The following ARFGEF2 variants were observed in gnomAD, a reference collection of about 807,000 sequenced individuals.
ARFGEF2 encodes ARF guanine nucleotide exchange factor 2, also known as brefeldin A-inhibited guanine nucleotide-exchange protein 2.
Under a neutral mutation model 219.9 loss-of-function variants are expected in ARFGEF2, and 74 were observed. The observed-to-expected ratio is 0.34, with a 90% CI of 0.28 to 0.41. ARFGEF2 has a LOEUF of 0.41. Ranked by LOEUF, ARFGEF2 falls within the 10% of genes least tolerant of loss-of-function variation. The pLI is 1.00. For synonymous variants in ARFGEF2, 733 were observed against 799.2 expected (o/e 0.92, Z 1.40); for missense variants, 1,743 against 2,218.3 (o/e 0.79, Z 4.30).
chr20:48,936,749 A>G (rs536832074), intron 1 of ARFGEF2, among the ~76,000 whole-genome samples: 1 of 150,122 alleles, frequency 6.7e-6, no homozygotes, highest in East Asian at 1.9e-4. Flanking sequence ...CTGGTTTTGA[A>G]CTCCCTACCT....
chr20:48,938,035 G>C (rs1200698370), intron 1 of ARFGEF2, among the ~76,000 whole-genome samples: 1 of 152,200 alleles, frequency 6.6e-6, no homozygotes, highest in Non-Finnish European at 1.5e-5. Flanking sequence ...CCATATGCTT[G>C]TTCGAGAGTC....
intron 11 of ARFGEF2, 144 bp downstream of exon 11, chr20:48,972,569 C>T: frequency 1.3e-6 from 1 of 741,444 alleles, no homozygotes; most frequent in Non-Finnish European, 2.3e-6. Flanking sequence ...TGCCCCACCT[C>T]TCCTTTTTTA....
In ARFGEF2 at chr20:49,027,250, G is replaced by A. The variant is rs73611321; in HGVS notation, c.4925-1280G>A. On this transcript the variant is annotated intron_variant, in intron 36 of 38. Coordinates refer to ENST00000371917, the MANE Select transcript of ARFGEF2 (RefSeq NM_006420.3). ...ACAGGCACGCACCACCACGCCAGTG[G>A]TCTCACTCTCTTGACCTCATGATCC... 3.2e-3 allele frequency among the ~76,000 whole-genome samples: 484 copies of A among 151,894 alleles called. 9 individuals carry two copies. Among genetic ancestry groups the A allele is most frequent in the Admixed American group, 0.021 (318 of 15,256 alleles).
chr20:48,990,876 G>T (rs1232750135), intron 20 of ARFGEF2, among the ~76,000 whole-genome samples, 164 bp from the exon 21 acceptor site: 1 of 152,198 alleles, frequency 6.6e-6, no homozygotes, highest in Non-Finnish European at 1.5e-5. Context: ...TGTTCCAAAA[G>T]CAAGAGGGCA....
At chr20:49,032,027 T>C (rs1217091009) in intron 37 of ARFGEF2, 22 bp from the exon 38 acceptor site, 1 of 1,490,842 alleles carries the variant, frequency 6.7e-7, no homozygotes, top group Non-Finnish European at 9.4e-7. Context: ...TTGATATGCC[T>C]CCCCCTCTCT....
chr20:48,954,389 AGAT>A (rs1459424143), intron 6 of ARFGEF2, among the ~76,000 whole-genome samples: 6 of 152,232 alleles, frequency 3.9e-5, no homozygotes, highest in Admixed American at 1.3e-4. Context: ...AGTTGTTATA[AGAT>A]GATACTTCTG....
Position 48,987,354 on chromosome 20 carries a change from C to T in ARFGEF2, c.2277-950C>T, listed in dbSNP as rs189404287. Among the ~76,000 whole-genome samples, 286 of 152,336 alleles carry T rather than the reference C, an allele frequency of 1.9e-3. 1 individual carries two copies. Among genetic ancestry groups the T allele is most frequent in the African/African-American group, 6.6e-3 (273 of 41,594 alleles). On this transcript the variant is annotated intron_variant, in intron 16 of 38. Transcript: ENST00000371917. ...GGACAGAACAGTTTCTAGCTTCAGC[C>T]TCATATCGTATGAAGCTGTACATCC...
intron 16 of ARFGEF2, among the ~76,000 whole-genome samples, chr20:48,986,150 C>T (rs1219645707): frequency 6.6e-6 from 1 of 152,134 alleles, no homozygotes; most frequent in Non-Finnish European, 1.5e-5. Flanking sequence ...TATTAAATAC[C>T]TCCTGTGTGT....
At chr20:48,968,428 T>A (rs547996811) in intron 8 of ARFGEF2, among the ~76,000 whole-genome samples, 1 of 147,488 alleles carries the variant, frequency 6.8e-6, no homozygotes, top group Admixed American at 6.7e-5. Context: ...TTTTTTTACT[T>A]TTTTTTTTTG....
At chr20:48,947,446 A>G (rs546512686) in intron 3 of ARFGEF2, among the ~76,000 whole-genome samples, 3 of 152,204 alleles carry the variant, frequency 2.0e-5, no homozygotes, top group Admixed American at 6.5e-5. Context: ...GTTCACGCCT[A>G]TAATCCCAGT....
At position 49,010,169 on chromosome 20, in the gene ARFGEF2, AT is replaced by A. The variant is rs2091488279; in HGVS notation, c.3585-62del. 2.6e-5 allele frequency: 41 copies of A among 1,565,004 alleles called. 4 individuals are homozygous for A. The South Asian group carries it at 4.6e-4, about 18-fold the overall frequency. On this transcript the variant is annotated intron_variant, in intron 26 of 38. Transcript: ENST00000371917. ...AAGTGCTGCTTCTAAGGGATGAGCT[AT>A]GTTCATTTCTCTTCCCATTCTCCAA...
chr20:48,953,118 A>C (rs2091081465), intron 5 of ARFGEF2, among the ~76,000 whole-genome samples: 1 of 150,768 alleles, frequency 6.6e-6, no homozygotes, highest in African/African-American at 2.4e-5. Flanking sequence ...TTCCTTTTAA[A>C]TATGTTATCC....
At chr20:48,934,119 C>CAAAAAA (rs11476863) in intron 1 of ARFGEF2, among the ~76,000 whole-genome samples, 2 of 56,132 alleles carry the variant, frequency 3.6e-5, no homozygotes, top group African/African-American at 7.4e-5. Flanking sequence ...GACTTCATCT[C>CAAAAAA]AAAAAAAAAA....
At chr20:48,942,138 CATGAG>C (rs1197121248) in intron 3 of ARFGEF2, 151 bp downstream of exon 3, 1 of 1,140,630 alleles carries the variant, frequency 8.8e-7, no homozygotes, top group African/African-American at 1.5e-5. Flanking sequence ...TTGGAGATCT[CATGAG>C]GGAGGGAAAA....
intron 1 of ARFGEF2, among the ~76,000 whole-genome samples, chr20:48,925,291 G>A (rs2090869846): frequency 6.6e-6 from 1 of 152,210 alleles, no homozygotes; most frequent in Non-Finnish European, 1.5e-5. Flanking sequence ...AAGACAGCCT[G>A]TGAGAGTATT....
At chr20:49,032,599 T>C (rs2091642812) in intron 38 of ARFGEF2, among the ~76,000 whole-genome samples, 1 of 148,208 alleles carries the variant, frequency 6.7e-6, no homozygotes, top group Non-Finnish European at 1.5e-5. Flanking sequence ...TTCAACTTCT[T>C]TTTTTTTTTT....
At chr20:48,936,559 T>C (rs1367079399) in intron 1 of ARFGEF2, among the ~76,000 whole-genome samples, 1 of 151,998 alleles carries the variant, frequency 6.6e-6, no homozygotes, top group African/African-American at 2.4e-5. Context: ...AGTTTCCCTC[T>C]TGTTGCCCAG....
At chr20:48,930,562 C>T (rs1310027762) in intron 1 of ARFGEF2, among the ~76,000 whole-genome samples, 2 of 152,160 alleles carry the variant, frequency 1.3e-5, no homozygotes, top group African/African-American at 2.4e-5. Context: ...ACTCACCCAG[C>T]TGGGTGGATG....
At chr20:48,979,945 A>ATT (rs73623292) in intron 14 of ARFGEF2, among the ~76,000 whole-genome samples, 48 of 149,684 alleles carry the variant, frequency 3.2e-4, no homozygotes, top group Admixed American at 6.0e-4. Flanking sequence ...GGATTCGTTG[A>ATT]TTTTTTTTTG....
Sources: gnomAD v4.1 joint callset for allele counts (sites outside exome capture counted in the v4.1 genomes callset) on GRCh38, gnomAD v4.1.1 for gene constraint, MANE v1.5 for transcripts, NCBI Gene and HGNC (gene_info 2026-07-23, HGNC 2026-07-21) for gene names.